Variants in PATJ observed in about 807,000 individuals in gnomAD.
PATJ encodes inaD-like protein.
Under a neutral mutation model 224.9 loss-of-function variants are expected in PATJ, and 190 were observed. The ratio of observed to expected loss-of-function variants is 0.84; its 90% CI spans 0.75 to 0.95. The LOEUF is 0.95. Among genes scored for constraint, PATJ ranks in the 40% least tolerant of loss-of-function variants. The pLI, the probability that PATJ is intolerant of heterozygous loss-of-function variation, is 0.00. For synonymous variants in PATJ, 769 were observed against 820.3 expected, an observed-to-expected ratio of 0.94 and a Z score of 1.07; for missense variants, 2,121 against 2,270.3, an observed-to-expected ratio of 0.93 and a Z score of 1.34.
At chr1:61,842,899 C>T (rs1661347822) in intron 17 of PATJ, among the ~76,000 whole-genome samples, 1 of 152,130 alleles carries the variant, frequency 6.6e-6, no homozygotes, top group Admixed American at 6.5e-5. Context: ...GTATTAAGAA[C>T]CATGGTAGTA....
intron 27 of PATJ, among the ~76,000 whole-genome samples, chr1:61,975,404 C>T (rs1644074850): frequency 6.6e-6 from 1 of 151,996 alleles, no homozygotes; most frequent in Admixed American, 6.5e-5. Context: ...TGTTTTCACC[C>T]TTATATCTCT....
At chr1:61,854,525 T>G (rs1663339765) in intron 17 of PATJ, among the ~76,000 whole-genome samples, 1 of 152,242 alleles carries the variant, frequency 6.6e-6, no homozygotes, top group South Asian at 2.1e-4. Flanking sequence ...CCGTTTCTTC[T>G]GACCATTAAT....
intron 4 of PATJ, among the ~76,000 whole-genome samples, chr1:61,767,562 A>T (rs1464958206): frequency 6.6e-6 from 1 of 152,036 alleles, no homozygotes; most frequent in Non-Finnish European, 1.5e-5. Context: ...AAATAAATAG[A>T]CAAACTTAAG....
intron 27 of PATJ, among the ~76,000 whole-genome samples, chr1:61,986,412 A>G (rs1644758746): frequency 6.6e-6 from 1 of 151,756 alleles, no homozygotes; most frequent in Non-Finnish European, 1.5e-5. Context: ...TTAGTTCTGT[A>G]ATTTATTTTT....
chr1:62,141,238 A>C (rs541139141), intron 41 of PATJ, among the ~76,000 whole-genome samples: 3 of 152,138 alleles, frequency 2.0e-5, no homozygotes, highest in Non-Finnish European at 4.4e-5. Flanking sequence ...CTAGATTTGG[A>C]TTTAAATCCT....
chr1:62,153,928 A>C (rs908440974), intron 43 of PATJ, among the ~76,000 whole-genome samples: 5 of 152,072 alleles, frequency 3.3e-5, no homozygotes, highest in African/African-American at 1.2e-4. Context: ...TTTGAGAGGG[A>C]GTTTCGCTCT....
intron 26 of PATJ, among the ~76,000 whole-genome samples, chr1:61,916,450 T>G (rs1252365124): frequency 1.3e-5 from 2 of 152,328 alleles, no homozygotes; most frequent in South Asian, 4.1e-4. Flanking sequence ...CTTTCCAATC[T>G]TTCTTTCTCT....
intron 33 of PATJ, among the ~76,000 whole-genome samples, chr1:62,102,532 G>A (rs763822791): frequency 8.5e-5 from 13 of 152,214 alleles, no homozygotes; most frequent in South Asian, 6.2e-4. Context: ...CTGAAAAGCT[G>A]AAGGTAAGGA....
chr1:61,778,715 G>T (rs1176631815), intron 7 of PATJ, among the ~76,000 whole-genome samples: 9 of 151,754 alleles, frequency 5.9e-5, no homozygotes, highest in South Asian at 2.1e-4. Context: ...TATATATAGA[G>T]AGAGAGATGG....
intron 14 of PATJ, among the ~76,000 whole-genome samples, chr1:61,809,557 T>C (rs1654277592): frequency 6.6e-6 from 1 of 151,842 alleles, no homozygotes; most frequent in Non-Finnish European, 1.5e-5. Context: ...CCGGCTAATT[T>C]TGTATTTTCA....
chr1:61,820,753 C>G (rs368102002), intron 14 of PATJ, among the ~76,000 whole-genome samples: 1 of 152,208 alleles, frequency 6.6e-6, no homozygotes, highest in East Asian at 1.9e-4. Context: ...CAGTATAAGA[C>G]CCAGCACCGC....
At chr1:61,778,632 G>A (rs1647067722) in intron 7 of PATJ, among the ~76,000 whole-genome samples, 1 of 152,138 alleles carries the variant, frequency 6.6e-6, no homozygotes, top group Non-Finnish European at 1.5e-5. Flanking sequence ...AAGCAGATGA[G>A]TCCAGCTGTT....
chr1:62,141,116 T>C (rs1667456090), intron 41 of PATJ, among the ~76,000 whole-genome samples: 1 of 152,018 alleles, frequency 6.6e-6, no homozygotes, highest in African/African-American at 2.4e-5. Context: ...TTGCATCTTC[T>C]TGTCCCACTG....
At chr1:61,887,709 T>C (rs1374576665) in intron 22 of PATJ, among the ~76,000 whole-genome samples, 1 of 152,024 alleles carries the variant, frequency 6.6e-6, no homozygotes, top group African/African-American at 2.4e-5. Flanking sequence ...GCATGATGGA[T>C]GATGTGCATG....
At chr1:61,884,172 T>A (rs1265782545) in intron 21 of PATJ, 65 bp from the exon 22 acceptor site, 42 of 1,286,142 alleles carry the variant, frequency 3.3e-5, no homozygotes, top group East Asian at 9.7e-5. Context: ...CCATACCTAG[T>A]TGTTGAATGA....
chr1:62,101,258 T>A (rs1194620228), intron 33 of PATJ, among the ~76,000 whole-genome samples: 1 of 150,500 alleles, frequency 6.6e-6, no homozygotes, highest in Non-Finnish European at 1.5e-5. Flanking sequence ...TCTTTTCTTT[T>A]CTTTTTTTTT....
At chr1:62,104,611 G>A (rs944495829) in intron 33 of PATJ, among the ~76,000 whole-genome samples, 8 of 151,986 alleles carry the variant, frequency 5.3e-5, no homozygotes, top group Non-Finnish European at 7.4e-5. Flanking sequence ...AAATGTGGCC[G>A]TTTTCTATTG....
At chr1:62,017,823 A>G (rs773932355) in intron 28 of PATJ, 33 bp from the exon 29 acceptor site, 28 of 1,099,982 alleles carry the variant, frequency 2.5e-5, no homozygotes, top group Middle Eastern at 2.0e-4. Flanking sequence ...GTAGACATGT[A>G]TAATTTAGTA....
At position 62,108,496 on chromosome 1, in the gene PATJ, T is replaced by C. The variant is rs946601927; in HGVS notation, c.4437T>C (p.Leu1479=). The C allele has an allele frequency of 1.2e-6, 2 of 1,609,004 alleles. No homozygotes were observed. Among genetic ancestry groups the C allele is most frequent in the Non-Finnish European group, 1.7e-6 (2 of 1,176,214 alleles). The change falls in exon 34 of 44, where the codon CTT becomes CTC. Residue 1479 remains leucine, a synonymous_variant. Coordinates refer to ENST00000642238, the MANE Select transcript of PATJ (RefSeq NM_001350145.3). ...EEGAAARDGR[L]WAGDQILEVN... The stretch of plus-strand genomic sequence containing the variant: ...GGGCAGCAGCCAGAGATGGAAGACT[T>C]TGGGCTGGTGACCAGATATTAGAGG...
Sources: gnomAD v4.1 joint callset for allele counts (sites outside exome capture counted in the v4.1 genomes callset) on GRCh38, gnomAD v4.1.1 for gene constraint, MANE v1.5 for transcripts, NCBI Gene and HGNC (gene_info 2026-07-23, HGNC 2026-07-21) for gene names.